Variants in CTNNA3 observed in about 807,000 individuals in gnomAD.
CTNNA3 encodes the protein catenin alpha-3.
CTNNA3 carries 76 observed loss-of-function variants against 95.7 expected under a neutral mutation model. That is an observed-to-expected ratio of 0.79 (90% CI 0.66 to 0.96). The LOEUF (loss-of-function observed/expected upper bound fraction) is 0.96, where lower values mean the gene tolerates loss of function less well. CTNNA3 is among the 40% of genes least tolerant of loss of function. The pLI is 0.00. For missense variants in CTNNA3, 1,191 were observed against 1,089.8 expected (o/e 1.09, Z -1.31); for synonymous variants, 431 against 374.4 (o/e 1.15, Z -1.74).
At chr10:67,498,959 T>C (rs1160872574) in intron 5 of CTNNA3, among the ~76,000 whole-genome samples, 2 of 152,220 alleles carry the variant, frequency 1.3e-5, no homozygotes, top group Non-Finnish European at 2.9e-5. Context: ...TGGCCAGAAC[T>C]TCCAATACTC....
At chr10:66,097,834 C>G (rs10996894) in intron 14 of CTNNA3, 25,545 of 152,108 alleles carry the variant, frequency 0.17, 2,534 homozygotes, top group South Asian at 0.36. Flanking sequence ...GGAAAAACTT[C>G]TAGAAATTAG....
intron 9 of CTNNA3, among the ~76,000 whole-genome samples, chr10:66,688,904 G>A (rs957609726): frequency 4.6e-5 from 7 of 151,206 alleles, no homozygotes; most frequent in African/African-American, 7.3e-5. Context: ...AACCTGGGAG[G>A]TGGAGCTTGC....
intron 7 of CTNNA3, among the ~76,000 whole-genome samples, chr10:66,877,858 GT>G (rs1265533112): frequency 6.6e-6 from 1 of 152,098 alleles, no homozygotes; most frequent in Non-Finnish European, 1.5e-5. Flanking sequence ...GACAAGGAAA[GT>G]TTGTTTATAA....
chr10:66,883,474 T>A (rs895352690), intron 7 of CTNNA3, among the ~76,000 whole-genome samples: 3 of 152,122 alleles, frequency 2.0e-5, no homozygotes, highest in African/African-American at 7.2e-5. Flanking sequence ...CAGTAATAAT[T>A]AAGTGTTATT....
intron 10 of CTNNA3, among the ~76,000 whole-genome samples, chr10:66,527,639 A>G (rs1218812110): frequency 6.6e-6 from 1 of 152,170 alleles, no homozygotes; most frequent in African/African-American, 2.4e-5. Flanking sequence ...ACATTCAGGT[A>G]AAAGTCTTTC....
At chr10:67,362,847 C>T (rs779349895) in intron 5 of CTNNA3, among the ~76,000 whole-genome samples, 5 of 151,104 alleles carry the variant, frequency 3.3e-5, no homozygotes, top group Non-Finnish European at 7.4e-5. Flanking sequence ...TGATTCTATA[C>T]TTAGAAAACC....
intron 12 of CTNNA3, among the ~76,000 whole-genome samples, chr10:66,340,648 A>G (rs2092444344): frequency 6.6e-6 from 1 of 151,820 alleles, no homozygotes; most frequent in African/African-American, 2.4e-5. Flanking sequence ...ATATTTCAAT[A>G]CATGAAATAT....
chr10:66,655,632 C>T (rs75850425), intron 9 of CTNNA3, among the ~76,000 whole-genome samples: 1 of 151,906 alleles, frequency 6.6e-6, no homozygotes, highest in South Asian at 2.1e-4. Context: ...CATCTCTAGT[C>T]TAGTGGCTTC....
intron 9 of CTNNA3, among the ~76,000 whole-genome samples, chr10:66,731,031 A>C (rs1848943594): frequency 6.6e-6 from 1 of 152,198 alleles, no homozygotes; most frequent in South Asian, 2.1e-4. Flanking sequence ...CTTTTGGATA[A>C]TTATTATGGA....
intron 7 of CTNNA3, chr10:66,928,115 G>T (rs751343170): frequency 3.1e-6 from 5 of 1,613,826 alleles, no homozygotes; most frequent in Non-Finnish European, 4.2e-6. Context: ...CCGACGGTGG[G>T]AGCCACAGAG....
intron 7 of CTNNA3, among the ~76,000 whole-genome samples, chr10:67,051,210 T>A (rs1290628940): frequency 1.3e-5 from 2 of 152,166 alleles, no homozygotes; most frequent in Non-Finnish European, 2.9e-5. Context: ...TAGTTCTCAG[T>A]CTGTCTCTGA....
Position 66,308,673 on chromosome 10 carries a change from A to G in CTNNA3, c.1733-28052T>C, listed in dbSNP as rs186243736. On this transcript the variant is annotated intron_variant, in intron 12 of 17. Coordinates refer to ENST00000433211, the MANE Select transcript of CTNNA3 (RefSeq NM_013266.4). ...CTTACATATATTTAAAATCATCACT[A>G]TTTTTTCATAATATATGAAAACATT... Among the ~76,000 whole-genome samples the G allele has an allele frequency of 1.6e-4, 25 of 152,238 alleles. No individual in the cohort carries two copies. In the East Asian group the frequency reaches 3.3e-3, roughly 20 times the overall value.
chr10:67,012,845 A>C (rs1852425786), intron 7 of CTNNA3: 2 of 152,290 alleles, frequency 1.3e-5, no homozygotes, highest in South Asian at 2.1e-4. Flanking sequence ...AGCTTACTAT[A>C]ATATGTTCTG....
At chr10:66,145,963 C>T (rs1443947271) in intron 13 of CTNNA3, among the ~76,000 whole-genome samples, 1 of 152,140 alleles carries the variant, frequency 6.6e-6, no homozygotes, top group South Asian at 2.1e-4. Context: ...AAGCGATTCT[C>T]CTGCCTCAGC....
chr10:66,111,799 G>T (rs1428594371), intron 13 of CTNNA3, among the ~76,000 whole-genome samples: 1 of 152,180 alleles, frequency 6.6e-6, no homozygotes, highest in Non-Finnish European at 1.5e-5. Context: ...GTAGGCTTGT[G>T]TTACGGTGGG....
At chr10:66,643,241 T>A (rs1845578538) in intron 9 of CTNNA3, among the ~76,000 whole-genome samples, 1 of 152,176 alleles carries the variant, frequency 6.6e-6, no homozygotes, top group South Asian at 2.1e-4. Context: ...CAAATTTTAT[T>A]TCCAAGTAGA....
chr10:67,086,836 ATAATG>A (rs964256096), intron 7 of CTNNA3, among the ~76,000 whole-genome samples: 4 of 152,042 alleles, frequency 2.6e-5, no homozygotes, highest in Admixed American at 1.3e-4. Flanking sequence ...AATTTTTAAT[ATAATG>A]TAATTTTCAT....
chr10:65,952,251 G>GA (rs1395519479), intron 17 of CTNNA3, among the ~76,000 whole-genome samples: 3 of 151,800 alleles, frequency 2.0e-5, no homozygotes, highest in South Asian at 2.1e-4. Context: ...CAATACAAAA[G>GA]AAAAAAAGGA....
chr10:67,110,489 T>C lies in CTNNA3; in HGVS notation c.1047+69828A>G, dbSNP rs1274529819. ...AGGATGGAATGATGATGGCAAGTAA[T>C]TGGACAATTGGACAGTTTCCAGAAA... On this transcript the variant is annotated intron_variant, in intron 7 of 17. Transcript: ENST00000433211. Among the ~76,000 whole-genome samples the C allele has an allele frequency of 2.0e-5, 3 of 151,806 alleles. No individual in the cohort carries two copies. The East Asian group carries it at 5.8e-4, about 29-fold the overall frequency.
Sources: gnomAD v4.1 joint callset for allele counts (sites outside exome capture counted in the v4.1 genomes callset) on GRCh38, gnomAD v4.1.1 for gene constraint, MANE v1.5 for transcripts, NCBI Gene and HGNC (gene_info 2026-07-23, HGNC 2026-07-21) for gene names.